Variants in TMEM120B observed in about 807,000 individuals in gnomAD.
TMEM120B encodes transmembrane protein 120B.
Under a neutral mutation model 55.5 loss-of-function variants are expected in TMEM120B, and 31 were observed. That is an observed-to-expected ratio of 0.56 (90% confidence interval 0.42 to 0.75). The LOEUF (loss-of-function observed/expected upper bound fraction) is 0.75. TMEM120B is among the 30% of genes least tolerant of loss of function. TMEM120B has a pLI of 0.00. For missense variants in TMEM120B, 399 were observed against 425.5 expected (o/e 0.94, Z 0.55); for synonymous variants, 203 against 176.3 (o/e 1.15, Z -1.20).
chr12:121,749,083 G>C (rs915237373), intron 3 of TMEM120B, among the ~76,000 whole-genome samples: 4 of 152,134 alleles, frequency 2.6e-5, no homozygotes, highest in South Asian at 2.1e-4. Context: ...CCTGTTTTCC[G>C]GATCAGCCTC....
intron 1 of TMEM120B, among the ~76,000 whole-genome samples, chr12:121,724,800 C>T (rs1407171663): frequency 1.3e-5 from 2 of 151,486 alleles, no homozygotes; most frequent in African/African-American, 2.4e-5. Context: ...TTAGTAGAGA[C>T]GAGGTTTCAC....
chr12:121,765,561 C>T (rs1435311308), intron 6 of TMEM120B, among the ~76,000 whole-genome samples: 2 of 152,170 alleles, frequency 1.3e-5, no homozygotes, highest in African/African-American at 4.8e-5. Context: ...CAAGTGGAGT[C>T]TGGAATGGGG....
chr12:121,726,658 A>G (rs2137018201), intron 1 of TMEM120B, among the ~76,000 whole-genome samples: 1 of 151,888 alleles, frequency 6.6e-6, no homozygotes, highest in Admixed American at 6.6e-5. Context: ...TAATCCCAGC[A>G]CTTGGGAAGG....
In TMEM120B at chr12:121,765,996, C is replaced by T. The variant is rs557170290; in HGVS notation, c.551+4258C>T. ...GGGGCTGGTGCGCGCCGTCAACACC[C>T]CACAGTCTTTGCCGAAGTGACCCAA... On this transcript the variant is annotated intron_variant, in intron 6 of 11. Transcript: ENST00000449592. Among the ~76,000 whole-genome samples the T allele has an allele frequency of 6.6e-5, 10 of 152,146 alleles. No individual in the cohort carries two copies. The South Asian group carries it at 1.2e-3, about 19-fold the overall frequency.
At chr12:121,763,310 C>T (rs1873742095) in intron 6 of TMEM120B, among the ~76,000 whole-genome samples, 1 of 151,600 alleles carries the variant, frequency 6.6e-6, no homozygotes, top group South Asian at 2.1e-4. Flanking sequence ...CTACAGGCGC[C>T]CGCCACCACA....
In TMEM120B at chr12:121,728,047, G is replaced by A. The variant is rs569565152; in HGVS notation, c.69+15083G>A. Among the ~76,000 whole-genome samples, 259 of 151,510 alleles carry A rather than the reference G, an allele frequency of 1.7e-3. 1 individual carries two copies. Among genetic ancestry groups the A allele is most frequent in the African/African-American group, 5.7e-3 (237 of 41,354 alleles). On this transcript the variant is annotated intron_variant, in intron 1 of 11. Coordinates refer to ENST00000449592, the MANE Select transcript of TMEM120B (RefSeq NM_001080825.2). The stretch of plus-strand genomic sequence containing the variant: ...CCCTAAGACAGAGTCTCACTCTGTC[G>A]CCCAGGCTAGAGTGCAGTGGTGTGA...
Position 121,781,075 on chromosome 12 carries a change from G to A in TMEM120B, c.*5353G>A, listed in dbSNP as rs184357086. 4.6e-5 allele frequency: 75 copies of A among 1,614,138 alleles called. No homozygotes were observed. In the African/African-American group the frequency reaches 7.1e-4, roughly 15 times the overall value. ...ATGTGGGGCCACCACCCAGGAGGCC[G>A]GCCTCACCTTGATGAGGACGTTGTC... On this transcript the variant is annotated 3_prime_UTR_variant, in exon 12 of 12. Transcript: ENST00000449592.
At chr12:121,737,444 G>T (rs187939712) in intron 1 of TMEM120B, among the ~76,000 whole-genome samples, 82 of 152,134 alleles carry the variant, frequency 5.4e-4, no homozygotes, top group African/African-American at 1.9e-3. Flanking sequence ...GGCGGAGGTT[G>T]CAGTAAGCCG....
chr12:121,774,629 G>A (rs767065202), intron 9 of TMEM120B, 29 bp from the exon 10 acceptor site: 14 of 1,611,828 alleles, frequency 8.7e-6, no homozygotes, highest in South Asian at 3.3e-5. Flanking sequence ...CCCCCTCAGC[G>A]GGTCCTTTTT....
intron 6 of TMEM120B, among the ~76,000 whole-genome samples, chr12:121,765,891 C>T (rs1288768566): frequency 6.6e-6 from 1 of 152,134 alleles, no homozygotes; most frequent in Non-Finnish European, 1.5e-5. Flanking sequence ...GAAGCCCTTG[C>T]AGGAGAGCCT....
rs1225731713 is a variant in TMEM120B at position 121,773,495 on chromosome 12, C to A, written c.754C>A (p.His252Asn). ...YRLRALGERN[H>N]LDLTVEGFQS... ...GCTGCGGGCCCTGGGGGAGAGGAAC[C>A]ACCTGGATCTCACAGTGGGTGAGTA... is the stretch of plus-strand genomic sequence containing the variant. Residue 252 changes from histidine to asparagine, a missense_variant, in exon 9 of 12, where the codon CAC becomes AAC. This residue lies in a region of TMEM120B where 260 missense variants were observed against 303.9 expected (regional missense o/e 0.86). Transcript: ENST00000449592. The A allele has an allele frequency of 6.2e-7, 1 of 1,601,156 alleles. No individual in the cohort carries two copies.
At chr12:121,763,373 A>G (rs1873744207) in intron 6 of TMEM120B, among the ~76,000 whole-genome samples, 1 of 152,014 alleles carries the variant, frequency 6.6e-6, no homozygotes, top group Non-Finnish European at 1.5e-5. Context: ...TGTGTTAGCC[A>G]GGATGGTCTC....
chr12:121,759,018 A>AT lies in TMEM120B; in HGVS notation c.462-2624dup, dbSNP rs1432126553. ...GTTACAGACAATATGGCCCACTGGG[A>AT]TTTTTTTATATATGTAACAAAGTTT... On this transcript the variant is annotated intron_variant, in intron 5 of 11. Coordinates refer to ENST00000449592, the MANE Select transcript of TMEM120B (RefSeq NM_001080825.2). 11 of 985,296 alleles carry AT rather than the reference A, an allele frequency of 1.1e-5. No homozygotes were observed. In the East Asian group the frequency reaches 3.4e-4, roughly 31 times the overall value. The allele number at this position is 985,296 out of a possible 1,614,324, so 61.0% of individuals were successfully genotyped here.
In TMEM120B at chr12:121,780,456, G is replaced by C. The variant is rs75447834; in HGVS notation, c.*4734G>C. 9.2e-4 allele frequency: 282 copies of C among 305,108 alleles called. 1 individual carries two copies. Among genetic ancestry groups the C allele is most frequent in the African/African-American group, 5.4e-3 (253 of 46,712 alleles). The allele number at this position is 305,108 out of a possible 1,614,324, so 18.9% of individuals were successfully genotyped here. A position where few individuals can be genotyped will look rare whatever the true frequency, so the allele number is the denominator to read the frequency against. ...TCCCCCATGCCTCACCCAAAGAGTTGCACGGTCAATTGGCCCGTGAAGGGG... is the reference window on the plus strand; with the variant it reads ...TCCCCCATGCCTCACCCAAAGAGTTCCACGGTCAATTGGCCCGTGAAGGGG... On this transcript the variant is annotated 3_prime_UTR_variant, in exon 12 of 12. Transcript: ENST00000449592.
chr12:121,745,883 A>G (rs1021300175), intron 2 of TMEM120B, among the ~76,000 whole-genome samples: 2 of 151,830 alleles, frequency 1.3e-5, no homozygotes, highest in Non-Finnish European at 2.9e-5. Flanking sequence ...TGTTTTTGAG[A>G]TGGAGTTTTG....
At chr12:121,751,616 G>T (rs1254534094) in intron 4 of TMEM120B, among the ~76,000 whole-genome samples, 1 of 151,708 alleles carries the variant, frequency 6.6e-6, no homozygotes, top group Non-Finnish European at 1.5e-5. Flanking sequence ...CTGGGAGAGG[G>T]TTGGTTCCTT....
intron 1 of TMEM120B, among the ~76,000 whole-genome samples, chr12:121,717,374 C>T (rs1412336770): frequency 7.2e-5 from 11 of 152,170 alleles, no homozygotes; most frequent in East Asian, 1.9e-4. Context: ...CATGTACATC[C>T]GTCTGGCTGC....
chr12:121,760,427 C>T (rs1873638694), intron 5 of TMEM120B, among the ~76,000 whole-genome samples: 1 of 152,178 alleles, frequency 6.6e-6, no homozygotes. Flanking sequence ...TGACCCTCCT[C>T]TGATTCTTCC....
At chr12:121,770,341 A>G (rs1303946820) in intron 6 of TMEM120B, among the ~76,000 whole-genome samples, 2 of 152,058 alleles carry the variant, frequency 1.3e-5, no homozygotes, top group Non-Finnish European at 2.9e-5. Flanking sequence ...AGGGCCCACC[A>G]GTGTGACCTT....
Sources: gnomAD v4.1 joint callset for allele counts (sites outside exome capture counted in the v4.1 genomes callset) on GRCh38, gnomAD v4.1.1 for gene constraint, gnomAD v4.1.1 regional missense constraint, MANE v1.5 for transcripts, NCBI Gene and HGNC (gene_info 2026-07-23, HGNC 2026-07-21) for gene names.